LARP4B: variants seen among roughly 807,000 people sequenced by gnomAD.
LARP4B encodes La ribonucleoprotein 4B, also known as la-related protein 4B.
LARP4B carries 12 observed loss-of-function variants against 89.8 expected under a neutral mutation model. That is an observed-to-expected ratio of 0.13 (90% CI 0.09 to 0.22). The LOEUF (loss-of-function observed/expected upper bound fraction) is 0.22. LARP4B is among the 10% of genes least tolerant of loss of function. LARP4B has a pLI of 1.00. For missense variants in LARP4B, 757 were observed against 947.7 expected (o/e 0.80, Z 2.64); for synonymous variants, 367 against 363.3 (o/e 1.01, Z -0.12).
chr10:982,240 T>C, the LARP4B span, among the ~76,000 whole-genome samples: 14 of 151,632 alleles, frequency 9.2e-5, no homozygotes, highest in African/African-American at 3.4e-4. Context: ...TACAGGTGCG[T>C]GTAACTATGC....
At chr10:889,637 T>A (rs944761290) in intron 1 of LARP4B, among the ~76,000 whole-genome samples, 1 of 152,182 alleles carries the variant, frequency 6.6e-6, no homozygotes, top group Non-Finnish European at 1.5e-5. Context: ...GTCTAGACAC[T>A]AAACTTCACA....
chr10:880,981 G>A (rs569643732), intron 3 of LARP4B, among the ~76,000 whole-genome samples: 35 of 152,214 alleles, frequency 2.3e-4, no homozygotes, highest in Middle Eastern at 3.2e-3. Flanking sequence ...CCAGGCTGAT[G>A]TAGTGTCTCC....
intron 1 of LARP4B, among the ~76,000 whole-genome samples, chr10:913,760 T>G (rs1028625512): frequency 6.6e-6 from 1 of 152,068 alleles, no homozygotes. Context: ...AATACAAAAA[T>G]TAGCTGAGCA....
chr10:857,483 G>A (rs1330405972), intron 5 of LARP4B, among the ~76,000 whole-genome samples: 1 of 152,104 alleles, frequency 6.6e-6, no homozygotes, highest in East Asian at 1.9e-4. Flanking sequence ...AAAGTTTTTT[G>A]GGTCTTGTTT....
chr10:904,597 AAAT>A (rs1836438676), intron 1 of LARP4B, among the ~76,000 whole-genome samples: 1 of 152,060 alleles, frequency 6.6e-6, no homozygotes, highest in Admixed American at 6.6e-5. Flanking sequence ...AAAAATAAAT[AAAT>A]AAAATGAAAT....
At chr10:839,582 A>T (rs1833411300) in intron 7 of LARP4B, among the ~76,000 whole-genome samples, 1 of 152,258 alleles carries the variant, frequency 6.6e-6, no homozygotes, top group Non-Finnish European at 1.5e-5. Flanking sequence ...AACAGATGTT[A>T]AAGCCTCAAC....
At chr10:888,062 G>A (rs1288553137) in intron 1 of LARP4B, among the ~76,000 whole-genome samples, 8 of 149,330 alleles carry the variant, frequency 5.4e-5, no homozygotes, top group Admixed American at 4.7e-4. Flanking sequence ...GCTCACGCCT[G>A]TAATACCAGC....
chr10:956,503 G>A, the LARP4B span, among the ~76,000 whole-genome samples: 2 of 151,964 alleles, frequency 1.3e-5, 1 homozygote, highest in South Asian at 4.2e-4. This position sits in a 1 kb window ranked among gnomAD's most constrained non-coding sequence, Gnocchi z 4.3. Flanking sequence ...CCGCCACCAC[G>A]CCCAGCTAAT....
At chr10:885,536 A>G in intron 2 of LARP4B, 105 bp downstream of exon 2, 1 of 721,318 alleles carries the variant, frequency 1.4e-6, no homozygotes, top group South Asian at 2.0e-5. Context: ...TGCAGATCCT[A>G]AGATGTGCCA....
Position 908,391 on chromosome 10 carries a change from A to C in LARP4B, c.-39-22631T>G, listed in dbSNP as rs541754837. Among the ~76,000 whole-genome samples the C allele has an allele frequency of 4.6e-5, 7 of 152,316 alleles. No individual in the cohort carries two copies. The South Asian group carries it at 6.2e-4, about 14-fold the overall frequency. ...TATCCTTCAAAATAAACCAGGAAAC[A>C]TGTTTTCCTTACTTGTGTGAGTCTG... is the stretch of plus-strand genomic sequence containing the variant. On this transcript the variant is annotated intron_variant, in intron 1 of 17. Coordinates refer to ENST00000316157, the MANE Select transcript of LARP4B (RefSeq NM_015155.3).
chr10:839,848 T>G (rs1410740333), intron 7 of LARP4B, among the ~76,000 whole-genome samples: 2 of 152,192 alleles, frequency 1.3e-5, no homozygotes, highest in African/African-American at 4.8e-5. Context: ...TTTACACAAG[T>G]GTCCACAGCA....
intron 3 of LARP4B, among the ~76,000 whole-genome samples, chr10:867,450 A>G (rs141290436): frequency 1.8e-4 from 28 of 152,392 alleles, no homozygotes; most frequent in African/African-American, 6.0e-4. Flanking sequence ...TCAAGAGTTC[A>G]TTAACTTATA....
intron 7 of LARP4B, among the ~76,000 whole-genome samples, chr10:837,675 G>C (rs1453240039): frequency 6.6e-6 from 1 of 152,178 alleles, no homozygotes; most frequent in Non-Finnish European, 1.5e-5. Context: ...ATACGACAAG[G>C]CCCCAGACAC....
chr10:945,181 C>A, the LARP4B span, among the ~76,000 whole-genome samples: 7 of 150,764 alleles, frequency 4.6e-5, no homozygotes, highest in Admixed American at 4.6e-4. Flanking sequence ...GTCAGGAGTT[C>A]GAGACCAGCC....
At chr10:829,294 T>A in intron 11 of LARP4B, 91 bp downstream of exon 11, 2 of 1,085,084 alleles carry the variant, frequency 1.8e-6, no homozygotes, top group South Asian at 1.7e-5. Flanking sequence ...ACTGCACACA[T>A]ATCTGGCTTC....
At chr10:821,337 C>T (rs1016206274) in intron 13 of LARP4B, among the ~76,000 whole-genome samples, 8 of 151,914 alleles carry the variant, frequency 5.3e-5, no homozygotes, top group South Asian at 2.1e-4. Context: ...CAATGGCTGA[C>T]CCCTTCCCAC....
At chr10:971,866 C>G in the LARP4B span, 1 of 153,894 alleles carries the variant, frequency 6.5e-6, no homozygotes, top group Non-Finnish European at 1.4e-5. Flanking sequence ...CCGGAGTTCA[C>G]GTGCTGGAAG....
intron 1 of LARP4B, among the ~76,000 whole-genome samples, chr10:929,208 T>A (rs61833260): frequency 2.0e-5 from 3 of 152,006 alleles, no homozygotes; most frequent in African/African-American, 7.3e-5. Context: ...CCCAGATACA[T>A]GTGTAAACAA....
At chr10:882,373 T>A (rs1308117473) in intron 3 of LARP4B, among the ~76,000 whole-genome samples, 1 of 151,970 alleles carries the variant, frequency 6.6e-6, no homozygotes, top group African/African-American at 2.4e-5. Flanking sequence ...ATTGTTCTCA[T>A]ACTAAATAGG....
Sources: gnomAD v4.1 joint callset for allele counts (sites outside exome capture counted in the v4.1 genomes callset) on GRCh38, gnomAD v4.1.1 for gene constraint, Gnocchi (gnomAD v3.1) non-coding constraint, MANE v1.5 for transcripts, NCBI Gene and HGNC (gene_info 2026-07-23, HGNC 2026-07-21) for gene names.